MBNL1: variants seen among roughly 807,000 people sequenced by gnomAD.
MBNL1 encodes muscleblind-like protein 1.
MBNL1 carries 8 observed loss-of-function variants against 42.2 expected under a neutral mutation model. The observed-to-expected ratio is 0.19, with a 90% CI of 0.11 to 0.34. The LOEUF (loss-of-function observed/expected upper bound fraction) is 0.34, where lower values mean the gene tolerates loss of function less well. MBNL1 is among the 10% of genes least tolerant of loss of function. MBNL1 has a pLI of 1.00. For missense variants in MBNL1, 309 were observed against 495.3 expected, an observed-to-expected ratio of 0.62 and a Z score of 3.57; for synonymous variants, 169 against 173.9, an observed-to-expected ratio of 0.97 and a Z score of 0.22.
chr3:152,437,567 T>C (rs2099095176), intron 4 of MBNL1, among the ~76,000 whole-genome samples: 1 of 152,138 alleles, frequency 6.6e-6, no homozygotes, highest in Non-Finnish European at 1.5e-5. Flanking sequence ...TCTAGGGACA[T>C]TTAGGTCATT....
chr3:152,251,726 A>G (rs1479595986), intron 2 of MBNL1, among the ~76,000 whole-genome samples: 1 of 151,884 alleles, frequency 6.6e-6, no homozygotes, highest in East Asian at 1.9e-4. Context: ...CTGCTATCGT[A>G]TCTAGAGGCA....
intron 2 of MBNL1, among the ~76,000 whole-genome samples, chr3:152,252,921 C>G (rs2034877694): frequency 6.6e-6 from 1 of 151,960 alleles, no homozygotes; most frequent in African/African-American, 2.4e-5. Flanking sequence ...GAAAATAAAC[C>G]CTAAAATTCA....
chr3:152,394,545 C>T (rs576703047), intron 2 of MBNL1, among the ~76,000 whole-genome samples: 1 of 152,292 alleles, frequency 6.6e-6, no homozygotes, highest in African/African-American at 2.4e-5. Context: ...AGTACTGGTG[C>T]TATAGAATCC....
intron 2 of MBNL1, among the ~76,000 whole-genome samples, chr3:152,392,374 G>A (rs2097759744): frequency 6.6e-6 from 1 of 152,162 alleles, no homozygotes; most frequent in Non-Finnish European, 1.5e-5. Flanking sequence ...TTGGAGTGGT[G>A]TTAATGGGAG....
At chr3:152,398,201 GCCCT>G (rs2098066478) in intron 2 of MBNL1, among the ~76,000 whole-genome samples, 1 of 152,096 alleles carries the variant, frequency 6.6e-6, no homozygotes, top group Non-Finnish European at 1.5e-5. Context: ...TAGAGACTGG[GCCCT>G]ATTTTGGATA....
intron 2 of MBNL1, chr3:152,335,171 C>T (rs1480704372): frequency 4.7e-6 from 6 of 1,289,398 alleles, no homozygotes; most frequent in Admixed American, 4.6e-5. Flanking sequence ...GGCACCATGG[C>T]AAGAAGAAGC....
intron 2 of MBNL1, among the ~76,000 whole-genome samples, chr3:152,260,651 A>G (rs1464763180): frequency 6.6e-6 from 1 of 152,190 alleles, no homozygotes; most frequent in African/African-American, 2.4e-5. Flanking sequence ...TTATAATCAC[A>G]ATTTCTTAGC....
At chr3:152,446,076 A>G (rs571766363) in intron 5 of MBNL1, among the ~76,000 whole-genome samples, 65 of 152,308 alleles carry the variant, frequency 4.3e-4, no homozygotes, top group African/African-American at 1.5e-3. Flanking sequence ...ACATAATAGT[A>G]ACACTAGAGA....
At chr3:152,346,855 A>G (rs1384954760) in intron 2 of MBNL1, among the ~76,000 whole-genome samples, 1 of 148,372 alleles carries the variant, frequency 6.7e-6, no homozygotes, top group Non-Finnish European at 1.5e-5. Flanking sequence ...AGTCTGCATT[A>G]CCAAATTGTT....
chr3:152,444,549 C>T (rs555553457), intron 4 of MBNL1, among the ~76,000 whole-genome samples: 1 of 152,192 alleles, frequency 6.6e-6, no homozygotes, highest in Non-Finnish European at 1.5e-5. Context: ...CAAAAATGGA[C>T]CCAAGAGTTT....
chr3:152,328,683 T>C (rs531352146), intron 2 of MBNL1, among the ~76,000 whole-genome samples: 3 of 152,200 alleles, frequency 2.0e-5, no homozygotes, highest in Non-Finnish European at 4.4e-5. Flanking sequence ...AGGAGTGATA[T>C]TCTGTTTGCT....
chr3:152,259,039 G>C (rs569380736), intron 2 of MBNL1, among the ~76,000 whole-genome samples: 1 of 152,344 alleles, frequency 6.6e-6, no homozygotes, highest in South Asian at 2.1e-4. Context: ...GGGAAAAACT[G>C]TCCTGGCTAA....
chr3:152,442,466 GTGT>G (rs1487729783), intron 4 of MBNL1, among the ~76,000 whole-genome samples: 3 of 152,202 alleles, frequency 2.0e-5, no homozygotes, highest in Admixed American at 2.0e-4. Context: ...ATGAACCACA[GTGT>G]TGTTAGAATT....
At chr3:152,245,590 A>G (rs1413076946) in intron 2 of MBNL1, among the ~76,000 whole-genome samples, 1 of 152,232 alleles carries the variant, frequency 6.6e-6, no homozygotes, top group African/African-American at 2.4e-5. Flanking sequence ...CCAAAAAAGA[A>G]AGTCCACACT....
intron 3 of MBNL1, among the ~76,000 whole-genome samples, chr3:152,424,496 G>A (rs1480384151): frequency 6.6e-6 from 1 of 151,542 alleles, no homozygotes; most frequent in South Asian, 2.1e-4. Context: ...TGGCCATACT[G>A]TCCAAAGTAA....
intron 2 of MBNL1, among the ~76,000 whole-genome samples, chr3:152,391,113 TTTAGAGGA>T (rs1156278951): frequency 6.6e-6 from 1 of 152,116 alleles, no homozygotes; most frequent in Non-Finnish European, 1.5e-5. Flanking sequence ...GAAACAGAGG[TTTAGAGGA>T]TTAAGTGCTA....
intron 2 of MBNL1, among the ~76,000 whole-genome samples, chr3:152,413,953 A>C (rs2098647845): frequency 6.6e-6 from 1 of 152,154 alleles, no homozygotes; most frequent in African/African-American, 2.4e-5. Context: ...TTTTATAGTA[A>C]CTTCTTTTTT....
chr3:152,325,957 A>G (rs2152497394), intron 2 of MBNL1, among the ~76,000 whole-genome samples: 1 of 152,234 alleles, frequency 6.6e-6, no homozygotes, highest in Middle Eastern at 3.4e-3. Flanking sequence ...GCATCAGCCA[A>G]CATTTTGCCC....
At chr3:152,439,313 T>G (rs948491642) in intron 4 of MBNL1, among the ~76,000 whole-genome samples, 14 of 152,210 alleles carry the variant, frequency 9.2e-5, no homozygotes, top group African/African-American at 3.4e-4. Context: ...GTGAAAAGCA[T>G]GCCTATGTTG....
Sources: gnomAD v4.1 joint callset for allele counts (sites outside exome capture counted in the v4.1 genomes callset) on GRCh38, gnomAD v4.1.1 for gene constraint, MANE v1.5 for transcripts, NCBI Gene and HGNC (gene_info 2026-07-23, HGNC 2026-07-21) for gene names.